The following FAR2 variants were observed in gnomAD, a reference collection of about 807,000 sequenced individuals.
FAR2 encodes fatty acyl-CoA reductase 2.
FAR2 carries 19 observed loss-of-function variants against 56.0 expected under a neutral mutation model. The ratio of observed to expected loss-of-function variants is 0.34; its 90% CI spans 0.24 to 0.50. The LOEUF is 0.50. Among genes scored for constraint, FAR2 ranks in the 20% least tolerant of loss-of-function variants. The pLI is 0.98. For synonymous variants in FAR2, 219 were observed against 218.8 expected (o/e 1.00, Z -0.01); for missense variants, 508 against 642.2 (o/e 0.79, Z 2.26).
intron 10 of FAR2, among the ~76,000 whole-genome samples, chr12:29,327,997 CCTACTCAT>C (rs1949675219): frequency 1.3e-5 from 2 of 151,916 alleles, no homozygotes; most frequent in Non-Finnish European, 2.9e-5. Context: ...ATTTTTGCAA[CCTACTCAT>C]CTGACAAAGG....
At chr12:29,204,616 TG>T (rs1947458233) in intron 1 of FAR2, among the ~76,000 whole-genome samples, 1 of 152,132 alleles carries the variant, frequency 6.6e-6, no homozygotes, top group Non-Finnish European at 1.5e-5. Flanking sequence ...TACGAGAGAC[TG>T]GGTAATTTAC....
intron 10 of FAR2, among the ~76,000 whole-genome samples, chr12:29,323,270 C>A (rs1591970361): frequency 6.6e-6 from 1 of 152,220 alleles, no homozygotes; most frequent in Admixed American, 6.5e-5. Context: ...TGGGTGGAGC[C>A]CACCACAGAT....
intron 1 of FAR2, among the ~76,000 whole-genome samples, chr12:29,167,409 T>C (rs1949839954): frequency 6.6e-6 from 1 of 152,220 alleles, no homozygotes; most frequent in South Asian, 2.1e-4. Flanking sequence ...GACATTCCCC[T>C]ATTCAAGTCT....
At chr12:29,212,256 T>A (rs1184115364) in intron 1 of FAR2, among the ~76,000 whole-genome samples, 1 of 152,142 alleles carries the variant, frequency 6.6e-6, no homozygotes, top group African/African-American at 2.4e-5. Flanking sequence ...AAAATTAAAA[T>A]GAATATGTTC....
intron 1 of FAR2, among the ~76,000 whole-genome samples, chr12:29,227,141 C>T (rs944258962): frequency 6.6e-6 from 1 of 152,032 alleles, no homozygotes; most frequent in African/African-American, 2.4e-5. Context: ...CTCTGTTTTC[C>T]GCAGGGCACC....
intron 4 of FAR2, 88 bp downstream of exon 4, chr12:29,297,288 G>C (rs1320845835): frequency 7.7e-7 from 1 of 1,291,018 alleles, no homozygotes; most frequent in Non-Finnish European, 1.1e-6. Context: ...ATGAGATGAT[G>C]AAGTCAAACA....
At chr12:29,316,743 C>A in intron 8 of FAR2, 98 bp from the exon 9 acceptor site, 1 of 1,222,392 alleles carries the variant, frequency 8.2e-7, no homozygotes, top group Non-Finnish European at 1.2e-6. Context: ...ACAGCAAATC[C>A]TTCGTCTTTA....
At chr12:29,241,660 A>G (rs576308829) in intron 1 of FAR2, among the ~76,000 whole-genome samples, 5 of 152,306 alleles carry the variant, frequency 3.3e-5, no homozygotes, top group African/African-American at 1.2e-4. Flanking sequence ...GACGTATGAA[A>G]TGTAAAATCT....
Position 29,333,662 on chromosome 12 carries a change from T to C in FAR2, c.1416T>C (p.Thr472=). 6.2e-7 allele frequency: 1 copy of C among 1,613,850 alleles called. No individual in the cohort carries two copies. The highest frequency in any genetic ancestry group is 8.5e-7 in the Non-Finnish European group (1 of 1,179,758). Residue 472 remains threonine (T), a synonymous_variant, in exon 12 of 12, where the codon ACT becomes ACC. Coordinates refer to ENST00000536681, the MANE Select transcript of FAR2 (RefSeq NM_001271783.2). ...GAAATATTCACTACCTCTTTAATAC[T>C]GCCCTCTTCCTTATCGCCTGGCGCC... ...RLRNIHYLFN[T]ALFLIAWRLL... is the part of the protein sequence containing the mutation.
chr12:29,311,061 A>T lies in FAR2; in HGVS notation c.802A>T (p.Thr268Ser). The T allele has an allele frequency of 6.2e-7, 1 of 1,613,446 alleles. No individual in the cohort carries two copies. The highest frequency in any genetic ancestry group is 8.5e-7 in the Non-Finnish European group (1 of 1,179,580). Residue 268 changes from threonine (T) to serine (S), a missense_variant, in exon 7 of 12, where the codon ACT (threonine) becomes TCT (serine). Physicochemically the swap from Thr to Ser is moderately conservative, Grantham distance 58. Coordinates refer to ENST00000536681, the MANE Select transcript of FAR2 (RefSeq NM_001271783.2). ...AGGGTTTCTTCGGGCCATAAAAGCT[A>T]CTCCAATGGCTGTGGCAGACGTAAT... Reference protein sequence around the residue: ...GKGFLRAIKATPMAVADVIPV... With the variant: ...GKGFLRAIKASPMAVADVIPV...
At chr12:29,184,703 C>T (rs897712056) in intron 1 of FAR2, among the ~76,000 whole-genome samples, 7 of 152,218 alleles carry the variant, frequency 4.6e-5, no homozygotes, top group African/African-American at 1.4e-4. Context: ...TCCTAAGGTA[C>T]TGGGATTACA....
intron 1 of FAR2, among the ~76,000 whole-genome samples, chr12:29,191,899 ATTGTC>A (rs1008204279): frequency 1.3e-5 from 2 of 152,220 alleles, no homozygotes; most frequent in African/African-American, 4.8e-5. Context: ...CTTCTTCAAA[ATTGTC>A]TTGTAACAAT....
At chr12:29,251,152 T>A (rs1948203445) in intron 1 of FAR2, among the ~76,000 whole-genome samples, 1 of 152,170 alleles carries the variant, frequency 6.6e-6, no homozygotes, top group South Asian at 2.1e-4. Flanking sequence ...ACAGAAAAGT[T>A]CAAGGTCAAC....
intron 1 of FAR2, among the ~76,000 whole-genome samples, chr12:29,188,989 G>GGCA (rs1950073664): frequency 2.0e-5 from 3 of 152,082 alleles, no homozygotes; most frequent in South Asian, 4.1e-4. Context: ...TACTGGAGAT[G>GGCA]TTAACCTTCA....
At chr12:29,196,096 C>T (rs1037401356) in intron 1 of FAR2, among the ~76,000 whole-genome samples, 3 of 152,030 alleles carry the variant, frequency 2.0e-5, no homozygotes, top group Non-Finnish European at 4.4e-5. Context: ...TCTAATTATC[C>T]ATTGATGATC....
rs530493190 is a variant in FAR2, at chr12:29,181,643, A to G, written c.-39+32236A>G. On this transcript the variant is annotated intron_variant, in intron 1 of 11. Coordinates refer to ENST00000536681, the MANE Select transcript of FAR2 (RefSeq NM_001271783.2). ...GACACCCATCAGCTCCTCTTTCCCT[A>G]CTGCTGTACAGAGGAGCTGTTCCTC... Among the ~76,000 whole-genome samples, 125 of 152,302 alleles carry G rather than the reference A, an allele frequency of 8.2e-4. 1 individual carries two copies. Among genetic ancestry groups the G allele is most frequent in the African/African-American group, 2.9e-3 (119 of 41,558 alleles).
At chr12:29,277,081 G>A (rs537862378) in intron 2 of FAR2, among the ~76,000 whole-genome samples, 2 of 152,246 alleles carry the variant, frequency 1.3e-5, no homozygotes, top group East Asian at 1.9e-4. Context: ...GGGTTCAAGC[G>A]ATTCTCCTGC....
chr12:29,323,132 A>G (rs1949580883), intron 10 of FAR2, among the ~76,000 whole-genome samples: 1 of 152,252 alleles, frequency 6.6e-6, no homozygotes. Flanking sequence ...TCCTATGCCC[A>G]TGGAGCCTCA....
Position 29,297,847 on chromosome 12 carries a change from A to G in FAR2, c.545+647A>G, listed in dbSNP as rs568297466. Among the ~76,000 whole-genome samples, 20 of 151,928 alleles carry G rather than the reference A, an allele frequency of 1.3e-4. No homozygotes were observed. In the East Asian group the frequency reaches 2.5e-3, roughly 19 times the overall value. ...GATCACCTGAGTCCAAGAGTTCAAGACCAGCCTAAAATACAAAAATTAGCT... is the reference window on the plus strand; with the variant it reads ...GATCACCTGAGTCCAAGAGTTCAAGGCCAGCCTAAAATACAAAAATTAGCT... On this transcript the variant is annotated intron_variant, in intron 4 of 11. Transcript: ENST00000536681.
Sources: gnomAD v4.1 joint callset for allele counts (sites outside exome capture counted in the v4.1 genomes callset) on GRCh38, gnomAD v4.1.1 for gene constraint, MANE v1.5 for transcripts, NCBI Gene and HGNC (gene_info 2026-07-23, HGNC 2026-07-21) for gene names.